The following C7 variants were observed in gnomAD, a reference collection of about 807,000 sequenced individuals.
The protein encoded by C7 is complement C7.
In C7, 83 loss-of-function variants were observed where a neutral mutation model predicts 104.8. The ratio of observed to expected loss-of-function variants is 0.79; its 90% CI spans 0.66 to 0.95. The LOEUF is 0.95. Among genes scored for constraint, C7 ranks in the 40% least tolerant of loss-of-function variants. The probability of loss-of-function intolerance (pLI) is 0.00; values close to 1 mark genes in which losing one functional copy is unlikely to be tolerated. For missense variants in C7, 1,070 were observed against 1,011.2 expected (o/e 1.06, Z -0.79); for synonymous variants, 415 against 360.6 (o/e 1.15, Z -1.71).
intron 6 of C7, among the ~76,000 whole-genome samples, chr5:40,942,768 CT>C (rs530693111): frequency 0.011 from 1,464 of 138,608 alleles, 14 homozygotes; most frequent in South Asian, 0.06. Flanking sequence ...TTCTTTCTTT[CT>C]TTTTTTTTTT....
Position 40,979,906 on chromosome 5 carries a change from G to A in C7, c.2347G>A (p.Asp783Asn), listed in dbSNP as rs540431706. 2.5e-6 allele frequency: 4 copies of A among 1,585,814 alleles called. No individual in the cohort carries two copies. The South Asian group carries it at 3.5e-5, about 14-fold the overall frequency. The change falls in exon 17 of 18, where the codon GAT (aspartate) becomes AAT (asparagine). Residue 783 changes from aspartate to asparagine, a missense_variant. By Grantham distance (23) the Asp-to-Asn change is conservative. Coordinates refer to ENST00000313164, the MANE Select transcript of C7 (RefSeq NM_000587.4). The stretch of plus-strand genomic sequence containing the variant: ...TGCCTGCCCACTGTGGGGAAAATGT[G>A]ATGGTAAGGGGCCTTTCATATTTGT... ...CGACPLWGKC[D>N]AESSKCVCRE...
At chr5:40,936,607 G>T in intron 5 of C7, 122 bp downstream of exon 5, 1 of 885,892 alleles carries the variant, frequency 1.1e-6, no homozygotes. Context: ...CATTGGCTCA[G>T]AGCTCTTTGC....
intron 1 of C7, among the ~76,000 whole-genome samples, chr5:40,927,827 CTGTACACT>C (rs1739590017): frequency 1.3e-5 from 2 of 152,078 alleles, no homozygotes; most frequent in African/African-American, 4.8e-5. Context: ...AAGGGAATCC[CTGTACACT>C]TGTACACTTG....
chr5:40,945,630 G>A (rs1018136821), intron 7 of C7, among the ~76,000 whole-genome samples: 1 of 151,942 alleles, frequency 6.6e-6, no homozygotes, highest in African/African-American at 2.4e-5. Flanking sequence ...AGGCCAAGGT[G>A]AGTGGATTGC....
chr5:40,913,620 G>T (rs112356037), intron 1 of C7, among the ~76,000 whole-genome samples: 6,158 of 152,076 alleles, frequency 0.04, 435 homozygotes, highest in African/African-American at 0.14. Flanking sequence ...TCAGCCTCCT[G>T]AGTAGCTGGC....
At chr5:40,964,401 A>T (rs1740497473) in intron 13 of C7, 1 of 190,682 alleles carries the variant, frequency 5.2e-6, no homozygotes, top group African/African-American at 2.4e-5. Context: ...TCTAATAAAG[A>T]ACTGATTTTT....
intron 12 of C7, 109 bp from the exon 13 acceptor site, chr5:40,961,976 C>A (rs1003229192): frequency 4.1e-6 from 2 of 485,788 alleles, no homozygotes; most frequent in Non-Finnish European, 3.5e-6. Context: ...CACCAATGTA[C>A]TTAAATGAAT....
Position 40,954,890 on chromosome 5 carries a change from A to AAAAAG in C7, c.1094-493_1094-492insGAAAA, listed in dbSNP as rs1554043281. 9.7e-4 allele frequency: 260 copies of AAAAAG among 267,506 alleles called. 3 individuals carry two copies. Among genetic ancestry groups the AAAAAG allele is most frequent in the East Asian group, 5.8e-3 (42 of 7,258 alleles). The allele number at this position is 267,506 out of a possible 1,614,324, so 16.6% of individuals were successfully genotyped here. On this transcript the variant is annotated intron_variant, in intron 9 of 17. Coordinates refer to ENST00000313164, the MANE Select transcript of C7 (RefSeq NM_000587.4). ...AGAATACTGTCTCAAAAAAAAAAAA[A>AAAAAG]AAAAAAAAAAAAAAAGAAAACCACC...
At position 40,914,289 on chromosome 5, in the gene C7, C is replaced by T. The variant is rs10043293; in HGVS notation, c.6+4673C>T. Among the ~76,000 whole-genome samples the T allele has an allele frequency of 7.4e-3, 1,133 of 152,230 alleles. 18 individuals carry two copies. Among genetic ancestry groups the T allele is most frequent in the African/African-American group, 0.026 (1,089 of 41,562 alleles). On this transcript the variant is annotated intron_variant, in intron 1 of 17. Coordinates refer to ENST00000313164, the MANE Select transcript of C7 (RefSeq NM_000587.4). The stretch of plus-strand genomic sequence containing the variant: ...AAAATGTCTATTCATGTCCTTTGCC[C>T]ACTTTTTAATGTTTTTGTTGTTGTT...
intron 12 of C7, among the ~76,000 whole-genome samples, chr5:40,960,063 C>T (rs1740392244): frequency 6.6e-6 from 1 of 152,098 alleles, no homozygotes; most frequent in South Asian, 2.1e-4. Context: ...TCAGATACAC[C>T]ATTCTTACTC....
At chr5:40,935,882 T>C (rs760505318) in intron 4 of C7, among the ~76,000 whole-genome samples, 22 of 152,216 alleles carry the variant, frequency 1.4e-4, no homozygotes, top group Non-Finnish European at 2.6e-4. Flanking sequence ...CTAGCCCCTA[T>C]TGTGCTACGG....
At chr5:40,962,970 G>C (rs762282343) in intron 13 of C7, among the ~76,000 whole-genome samples, 2 of 151,996 alleles carry the variant, frequency 1.3e-5, no homozygotes, top group East Asian at 1.9e-4. Context: ...GTTCACGCAA[G>C]TGTGTGTGTG....
intron 6 of C7, among the ~76,000 whole-genome samples, chr5:40,939,411 G>A (rs1579850934): frequency 1.3e-5 from 2 of 152,154 alleles, no homozygotes; most frequent in African/African-American, 4.8e-5. Flanking sequence ...AGAAACTGAG[G>A]CTTAAGAGGA....
At chr5:40,931,877 G>A (rs921194594) in intron 3 of C7, among the ~76,000 whole-genome samples, 2 of 152,122 alleles carry the variant, frequency 1.3e-5, no homozygotes, top group Admixed American at 1.3e-4. Context: ...TCCTGCCTCA[G>A]CCTCCCAAGT....
chr5:40,926,237 A>G (rs1408282964), intron 1 of C7, among the ~76,000 whole-genome samples: 1 of 152,250 alleles, frequency 6.6e-6, no homozygotes, highest in African/African-American at 2.4e-5. Context: ...TCACCAAGTT[A>G]GGTACAGAAG....
At chr5:40,963,269 G>A (rs1001998876) in intron 13 of C7, among the ~76,000 whole-genome samples, 4 of 152,222 alleles carry the variant, frequency 2.6e-5, no homozygotes, top group Non-Finnish European at 4.4e-5. Context: ...TGTCCTCCAC[G>A]TTTTCTGATT....
rs192776211 is a variant in C7, at chr5:40,914,542, C to T, written c.6+4926C>T. Among the ~76,000 whole-genome samples the T allele has an allele frequency of 2.8e-3, 432 of 152,174 alleles. 3 individuals are homozygous for T. The highest frequency in any genetic ancestry group is 0.01 in the African/African-American group (416 of 41,514). The stretch of plus-strand genomic sequence containing the variant: ...CTTAGTTATGAATTCTTGGCTTAGA[C>T]CAATGTCCAGAAGAGTTTTCCCTAG... On this transcript the variant is annotated intron_variant, in intron 1 of 17. Coordinates refer to ENST00000313164, the MANE Select transcript of C7 (RefSeq NM_000587.4).
At chr5:40,935,785 T>A (rs900364308) in intron 4 of C7, among the ~76,000 whole-genome samples, 1 of 152,228 alleles carries the variant, frequency 6.6e-6, no homozygotes, top group African/African-American at 2.4e-5. Flanking sequence ...ATCATAACAA[T>A]TATGATCTAT....
At chr5:40,959,720 A>T in intron 12 of C7, 100 bp downstream of exon 12, 1 of 954,202 alleles carries the variant, frequency 1.0e-6, no homozygotes, top group Non-Finnish European at 1.5e-6. Context: ...TTAGAAGTTA[A>T]ATGGCTATTT....
Sources: gnomAD v4.1 joint callset for allele counts (sites outside exome capture counted in the v4.1 genomes callset) on GRCh38, gnomAD v4.1.1 for gene constraint, MANE v1.5 for transcripts, NCBI Gene and HGNC (gene_info 2026-07-23, HGNC 2026-07-21) for gene names.